Variants in PGM5 observed in about 807,000 individuals in gnomAD.
The protein encoded by PGM5 is phosphoglucomutase 5, also known as phosphoglucomutase-like protein 5.
A neutral mutation model predicts 59.2 loss-of-function variants in PGM5; 23 were observed. The ratio of observed to expected loss-of-function variants is 0.39; its 90% CI spans 0.28 to 0.55. PGM5 has a LOEUF of 0.55. PGM5 is among the 20% of genes least tolerant of loss of function. The pLI, the probability that PGM5 is intolerant of heterozygous loss-of-function variation, is 0.66. For missense variants in PGM5, 574 were observed against 748.3 expected (o/e 0.77, Z 2.72); for synonymous variants, 214 against 286.0 (o/e 0.75, Z 2.54).
intron 6 of PGM5, among the ~76,000 whole-genome samples, chr9:68,427,637 G>T (rs1415609332): frequency 6.6e-6 from 1 of 152,198 alleles, no homozygotes; most frequent in East Asian, 1.9e-4. Flanking sequence ...CTTTCCATTT[G>T]CCTATTGCTG....
chr9:68,415,147 G>T (rs1823002013), intron 6 of PGM5, among the ~76,000 whole-genome samples: 1 of 149,254 alleles, frequency 6.7e-6, no homozygotes, highest in Non-Finnish European at 1.5e-5. Flanking sequence ...CTGGCTTCCT[G>T]TCCATTTACT....
chr9:68,519,313 G>A (rs1824864213), intron 10 of PGM5, among the ~76,000 whole-genome samples: 2 of 152,074 alleles, frequency 1.3e-5, no homozygotes, highest in Non-Finnish European at 2.9e-5. Context: ...ATTAATAATT[G>A]CTGAAATATG....
intron 10 of PGM5, among the ~76,000 whole-genome samples, chr9:68,515,074 C>T (rs1824805430): frequency 6.6e-6 from 1 of 152,142 alleles, no homozygotes; most frequent in Admixed American, 6.5e-5. Context: ...AGGCACAAAG[C>T]CTTGCTAAAA....
intron 8 of PGM5, among the ~76,000 whole-genome samples, chr9:68,482,156 G>A (rs1824206397): frequency 6.6e-6 from 1 of 152,018 alleles, no homozygotes; most frequent in African/African-American, 2.4e-5. Context: ...GAACGTTTGG[G>A]CAAACAGATC....
chr9:68,408,841 C>T (rs1554681379), intron 6 of PGM5, among the ~76,000 whole-genome samples: 1 of 152,140 alleles, frequency 6.6e-6, no homozygotes, highest in Admixed American at 6.5e-5. Context: ...AATCCTTTCC[C>T]CATCGCTTTT....
chr9:68,432,481 G>C (rs1028290578), intron 6 of PGM5, among the ~76,000 whole-genome samples: 2 of 151,778 alleles, frequency 1.3e-5, no homozygotes, highest in African/African-American at 4.8e-5. Flanking sequence ...GATTACAGGC[G>C]TGAGCCATTG....
intron 8 of PGM5, 139 bp from the exon 9 acceptor site, chr9:68,483,726 G>C (rs946241924): frequency 7.3e-6 from 5 of 686,564 alleles, no homozygotes; most frequent in Non-Finnish European, 1.3e-5. Context: ...AGGGTCAGAT[G>C]AAAGAGGGGA....
chr9:68,512,138 A>C (rs566983954), intron 10 of PGM5, among the ~76,000 whole-genome samples: 1 of 152,304 alleles, frequency 6.6e-6, no homozygotes, highest in South Asian at 2.1e-4. Context: ...ATAATGTGCA[A>C]TCTGTTGGTT....
At chr9:68,509,380 G>C (rs550363320) in intron 10 of PGM5, among the ~76,000 whole-genome samples, 2 of 152,144 alleles carry the variant, frequency 1.3e-5, no homozygotes, top group South Asian at 4.1e-4. Flanking sequence ...CATTTTTGTT[G>C]GTACAAATCA....
At chr9:68,401,889 ATGTGTGTGTGTGTG>A (rs1327827891) in intron 6 of PGM5, among the ~76,000 whole-genome samples, 2 of 9,304 alleles carry the variant, frequency 2.1e-4, no homozygotes, top group African/African-American at 5.3e-4. Flanking sequence ...ATATATATAT[ATGTGTGTGTGTGTG>A]TGTGTGTGTG....
chr9:68,463,137 G>A (rs1235376282), intron 6 of PGM5, among the ~76,000 whole-genome samples: 2 of 151,238 alleles, frequency 1.3e-5, no homozygotes, highest in Non-Finnish European at 2.9e-5. Context: ...TTTGGGGTTT[G>A]TGAAAAGGGA....
intron 6 of PGM5, among the ~76,000 whole-genome samples, chr9:68,407,615 T>C (rs1554681251): frequency 6.6e-6 from 1 of 152,224 alleles, no homozygotes. Flanking sequence ...TGTCTCTGTA[T>C]GCTGGCCAAA....
At chr9:68,401,034 G>T (rs1351363863) in intron 6 of PGM5, among the ~76,000 whole-genome samples, 2 of 151,364 alleles carry the variant, frequency 1.3e-5, no homozygotes, top group Non-Finnish European at 2.9e-5. Context: ...GTCTGTAATT[G>T]TGTGTTTCTA....
intron 10 of PGM5, among the ~76,000 whole-genome samples, chr9:68,514,300 C>T (rs1265836495): frequency 2.0e-5 from 3 of 152,110 alleles, no homozygotes; most frequent in East Asian, 3.9e-4. Flanking sequence ...GAGGCCCTAT[C>T]TCTAAAAAAA....
intron 10 of PGM5, among the ~76,000 whole-genome samples, chr9:68,523,188 C>T (rs1824923834): frequency 6.6e-6 from 1 of 152,150 alleles, no homozygotes; most frequent in African/African-American, 2.4e-5. Context: ...TCAGCTGCAG[C>T]CAGGGAGTGG....
intron 6 of PGM5, among the ~76,000 whole-genome samples, chr9:68,417,930 T>C (rs1554682100): frequency 6.6e-6 from 1 of 152,238 alleles, no homozygotes; most frequent in African/African-American, 2.4e-5. Flanking sequence ...GCAGTAACTG[T>C]TCCCTGTGTG....
chr9:68,495,636 T>A (rs1824470737), intron 9 of PGM5, among the ~76,000 whole-genome samples: 1 of 152,224 alleles, frequency 6.6e-6, no homozygotes, highest in Non-Finnish European at 1.5e-5. Context: ...TGCAATTTAA[T>A]AAATTCATTT....
chr9:68,389,729 G>A (rs1287205928), intron 4 of PGM5, among the ~76,000 whole-genome samples: 1 of 152,094 alleles, frequency 6.6e-6, no homozygotes, highest in Non-Finnish European at 1.5e-5. Flanking sequence ...GAACAAGTCT[G>A]TATGTTTTCA....
intron 7 of PGM5, among the ~76,000 whole-genome samples, chr9:68,472,766 A>G (rs1400506134): frequency 6.6e-6 from 1 of 152,170 alleles, no homozygotes; most frequent in African/African-American, 2.4e-5. Flanking sequence ...GGGTGTTGCT[A>G]TGGTCAGGAT....
Sources: gnomAD v4.1 joint callset for allele counts (sites outside exome capture counted in the v4.1 genomes callset) on GRCh38, gnomAD v4.1.1 for gene constraint, MANE v1.5 for transcripts, NCBI Gene and HGNC (gene_info 2026-07-23, HGNC 2026-07-21) for gene names.